PCDHA10: variants seen among roughly 807,000 people sequenced by gnomAD.
The protein encoded by PCDHA10 is protocadherin alpha-10.
A neutral mutation model predicts 61.2 loss-of-function variants in PCDHA10; 45 were observed. The observed-to-expected ratio is 0.74, with a 90% CI of 0.58 to 0.94. PCDHA10 has a LOEUF of 0.94. PCDHA10 is among the 40% of genes least tolerant of loss of function. PCDHA10 has a pLI of 0.00. For synonymous variants in PCDHA10, 602 were observed against 548.8 expected, an observed-to-expected ratio of 1.10 and a Z score of -1.35; for missense variants, 1,278 against 1,236.2, an observed-to-expected ratio of 1.03 and a Z score of -0.51.
chr5:140,862,682 T>C (rs536714837), intron 1 of PCDHA10: 55 of 551,686 alleles, frequency 1.0e-4, no homozygotes, highest in South Asian at 7.3e-4. Flanking sequence ...AACGTGCTGG[T>C]GTCCTACTCG....
rs1554202869 is a variant in PCDHA10, at chr5:140,925,671, A to AATG, written c.2389-53276_2389-53275insGAT. Among the ~76,000 whole-genome samples the AATG allele has an allele frequency of 4.6e-4, 68 of 148,180 alleles. 1 individual carries two copies. The highest frequency in any genetic ancestry group is 1.6e-3 in the African/African-American group (66 of 40,022). On this transcript the variant is annotated intron_variant, in intron 1 of 3. Transcript: ENST00000307360. ...TAATAATAATAATAATAATAATAAT[A>AATG]ATAATAAAGCGAGGGTGGGTATCTA...
At chr5:140,966,798 C>T in intron 1 of PCDHA10, 1 of 1,537,636 alleles carries the variant, frequency 6.5e-7, no homozygotes, top group Non-Finnish European at 8.7e-7. Context: ...CCTGCGGCGA[C>T]AGAGCATCCA....
chr5:140,982,499 C>T lies in PCDHA10; in HGVS notation c.2472C>T (p.Gly824=). The T allele has an allele frequency of 6.2e-7, 1 of 1,614,184 alleles. No individual in the cohort carries two copies. The highest frequency in any genetic ancestry group is 8.5e-7 in the Non-Finnish European group (1 of 1,180,024). The part of the protein sequence containing the change: ...MHSSVHLEEA[G]ILRAGPGGPD... Reference sequence around the variant, plus strand: ...GCTCTGTGCACCTAGAGGAGGCTGGCATTCTACGGGCTGGTCCAGGAGGGC... The same window carrying T: ...GCTCTGTGCACCTAGAGGAGGCTGGTATTCTACGGGCTGGTCCAGGAGGGC... The change falls in exon 3 of 4, where the codon GGC becomes GGT. Residue 824 remains glycine (G), a synonymous_variant. Transcript: ENST00000307360.
intron 1 of PCDHA10, among the ~76,000 whole-genome samples, chr5:140,960,222 A>G (rs1364451029): frequency 2.6e-5 from 4 of 152,206 alleles, no homozygotes; most frequent in African/African-American, 9.6e-5. Flanking sequence ...ATCTCAAGAA[A>G]CAGAGCCATG....
chr5:140,943,800 A>G (rs1470801059), intron 1 of PCDHA10, among the ~76,000 whole-genome samples: 1 of 152,218 alleles, frequency 6.6e-6, no homozygotes, highest in East Asian at 1.9e-4. Flanking sequence ...GCAAAGCAAA[A>G]GAGGAAAGTT....
At chr5:140,920,184 AAT>A (rs782376164) in intron 1 of PCDHA10, among the ~76,000 whole-genome samples, 19 of 152,348 alleles carry the variant, frequency 1.2e-4, no homozygotes, top group East Asian at 9.6e-4. Context: ...AGTGTGTAGT[AAT>A]TTGTCACAGC....
At chr5:140,879,103 GGT>G (rs2057856027) in intron 1 of PCDHA10, among the ~76,000 whole-genome samples, 1 of 152,156 alleles carries the variant, frequency 6.6e-6, no homozygotes, top group Admixed American at 6.6e-5. Flanking sequence ...CACAGTATAT[GGT>G]GTAATTGAAG....
chr5:140,876,486 G>A, intron 1 of PCDHA10: 1 of 1,614,014 alleles, frequency 6.2e-7, no homozygotes, highest in Non-Finnish European at 8.5e-7. Context: ...TGGTCCTGGT[G>A]GAAGTTCTGG....
At chr5:140,972,660 A>T (rs868975656) in intron 1 of PCDHA10, among the ~76,000 whole-genome samples, 47 of 117,276 alleles carry the variant, frequency 4.0e-4, no homozygotes, top group Non-Finnish European at 6.8e-4. Flanking sequence ...AAGAAACCAA[A>T]TTTTTTTTTT....
In PCDHA10 at chr5:140,858,414, T is replaced by C. The variant is rs2045398069; in HGVS notation, c.2366T>C (p.Ile789Thr). 1 of 1,562,782 alleles carries C rather than the reference T, an allele frequency of 6.4e-7. No individual in the cohort carries two copies. ...GATGTGGACGGGGAAGATCAGTCTA[T>C]TGGAGGGGACCACTCTAGGAAGGTG... Reference protein sequence around the residue: ...MVDVDGEDQSIGGDHSRKPRQ... With the variant: ...MVDVDGEDQSTGGDHSRKPRQ... Residue 789 changes from isoleucine (I) to threonine (T), a missense_variant, in exon 1 of 4, where the codon ATT (isoleucine) becomes ACT (threonine). Coordinates refer to ENST00000307360, the MANE Select transcript of PCDHA10 (RefSeq NM_018901.4).
At chr5:140,883,987 G>C (rs782597930) in intron 1 of PCDHA10, 4 of 1,612,956 alleles carry the variant, frequency 2.5e-6, no homozygotes, top group Admixed American at 1.7e-5. Context: ...CTGGCAGCGC[G>C]GGAGGCACAG....
intron 2 of PCDHA10, chr5:140,982,263 C>A: frequency 1.2e-6 from 1 of 858,968 alleles, no homozygotes; most frequent in Non-Finnish European, 1.7e-6. Flanking sequence ...ATGTGTGTTC[C>A]TGGAATAGTA....
intron 3 of PCDHA10, among the ~76,000 whole-genome samples, chr5:140,991,311 G>A (rs1036350235): frequency 3.3e-5 from 5 of 152,108 alleles, no homozygotes; most frequent in Admixed American, 2.0e-4. Context: ...ATCTTGTCCC[G>A]CATGATACAT....
In PCDHA10 at chr5:140,858,056, G is replaced by A; in HGVS notation, c.2008G>A (p.Glu670Lys). ...ATATVLVSLV[E>K]GSQAPKASSR... ...GGCCACTGTGCTTGTGTCGCTTGTG[G>A]AGGGCAGCCAGGCACCCAAGGCCTC... is the stretch of plus-strand genomic sequence containing the variant. Residue 670 changes from glutamate to lysine, a missense_variant, in exon 1 of 4, where the codon GAG becomes AAG. Physicochemically the swap from Glu to Lys is moderately conservative, Grantham distance 56 (BLOSUM62 1). Transcript: ENST00000307360. 1.9e-6 allele frequency: 3 copies of A among 1,597,644 alleles called. 1 individual carries two copies. The highest frequency in any genetic ancestry group is 2.6e-6 in the Non-Finnish European group (3 of 1,167,552).
Position 140,857,553 on chromosome 5 carries a change from C to A in PCDHA10, c.1505C>A (p.Ser502Ter). Residue 502 changes from serine to a stop codon, truncating the protein, a stop_gained, in exon 1 of 4, where the codon TCG becomes TAG. Coordinates refer to ENST00000307360, the MANE Select transcript of PCDHA10 (RefSeq NM_018901.4). LOFTEE classifies it high-confidence loss of function. ...GTGGAGCGGCGGTTGGGCGAGCGCT[C>A]GCTGTCGAGCTACGTGTCGGTGCAC... ...SLVERRLGER[S>*]LSSYVSVHAE... The A allele has an allele frequency of 1.3e-6, 2 of 1,597,008 alleles. No homozygotes were observed. The highest frequency in any genetic ancestry group is 1.7e-6 in the Non-Finnish European group (2 of 1,167,708).
At chr5:140,870,761 T>C (rs1456957620) in intron 1 of PCDHA10, 1 of 1,613,524 alleles carries the variant, frequency 6.2e-7, no homozygotes, top group Non-Finnish European at 8.5e-7. Flanking sequence ...CTGCAGGTGT[T>C]CGTGCTGGAC....
In PCDHA10 at chr5:141,010,203, C is replaced by T; in HGVS notation, c.*266C>T. ...AGACCCAAGTTTCCTTTCTCCTCCG[C>T]CGCAAAGGAGAGGCTTCCCAGCCCC... On this transcript the variant is annotated 3_prime_UTR_variant, in exon 4 of 4. Coordinates refer to ENST00000307360, the MANE Select transcript of PCDHA10 (RefSeq NM_018901.4). The T allele has an allele frequency of 1.3e-6, 2 of 1,552,032 alleles. No homozygotes were observed. Among genetic ancestry groups the T allele is most frequent in the Non-Finnish European group, 1.7e-6 (2 of 1,147,066 alleles).
At chr5:140,926,053 C>T (rs768010675) in intron 1 of PCDHA10, among the ~76,000 whole-genome samples, 10 of 152,230 alleles carry the variant, frequency 6.6e-5, no homozygotes, top group Non-Finnish European at 1.5e-4. Context: ...CCCCAACCTT[C>T]TTCCCCTCCT....
At chr5:141,005,978 G>C (rs1226619772) in intron 3 of PCDHA10, among the ~76,000 whole-genome samples, 2 of 151,936 alleles carry the variant, frequency 1.3e-5, no homozygotes, top group African/African-American at 4.8e-5. Context: ...CAATTCCAAA[G>C]AGTGTTTGAG....
Sources: gnomAD v4.1 joint callset for allele counts (sites outside exome capture counted in the v4.1 genomes callset) on GRCh38, gnomAD v4.1.1 for gene constraint, MANE v1.5 for transcripts, NCBI Gene and HGNC (gene_info 2026-07-23, HGNC 2026-07-21) for gene names.